The following TET2 variants were observed in gnomAD, a reference collection of about 807,000 sequenced individuals.
TET2 encodes the protein tet methylcytosine dioxygenase 2, also known as methylcytosine dioxygenase TET2.
A neutral mutation model predicts 142.9 loss-of-function variants in TET2; 299 were observed. The observed-to-expected ratio is 2.09, with a 90% confidence interval of 1.90 to 2.30. TET2 has a LOEUF of 2.30. Ranked by LOEUF, TET2 falls within the 30% of genes most tolerant of loss-of-function variation. The pLI, the probability that TET2 is intolerant of heterozygous loss-of-function variation, is 0.00. For missense variants in TET2, 2,418 were observed against 2,378.0 expected, an observed-to-expected ratio of 1.02 and a Z score of -0.35; for synonymous variants, 819 against 849.0, an observed-to-expected ratio of 0.96 and a Z score of 0.61.
At chr4:105,238,027 T>C in intron 3 of TET2, 2 of 651,628 alleles carry the variant, frequency 3.1e-6, no homozygotes, top group Non-Finnish European at 4.0e-6. Flanking sequence ...CACAATAAAA[T>C]GAATATTACA....
At chr4:105,214,859 A>G (rs753997666) in intron 2 of TET2, among the ~76,000 whole-genome samples, 2 of 152,128 alleles carry the variant, frequency 1.3e-5, no homozygotes, top group Non-Finnish European at 2.9e-5. Context: ...ACCAGCAAAT[A>G]TAAGTAAGTG....
chr4:105,234,243 C>G lies in TET2; in HGVS notation c.301C>G (p.Pro101Ala). 6.2e-7 allele frequency: 1 copy of G among 1,614,102 alleles called. No homozygotes were observed. Among genetic ancestry groups the G allele is most frequent in the Non-Finnish European group, 8.5e-7 (1 of 1,179,986 alleles). The change falls in exon 3 of 11, where the codon CCT becomes GCT. Residue 101 changes from proline (P) to alanine (A), a missense_variant. Physicochemically the swap from Pro to Ala is conservative, Grantham distance 27 (BLOSUM62 -1). Transcript: ENST00000380013. ...AGGAATAAAACGCACAGTTAGTGAA[C>G]CTTCTCTCTCTGGGCTCCTTCAGAT... ...NGGIKRTVSEPSLSGLLQIKK... is the reference protein window; with the variant it reads ...NGGIKRTVSEASLSGLLQIKK...
At chr4:105,268,549 T>C (rs1311844994) in intron 8 of TET2, among the ~76,000 whole-genome samples, 1 of 152,160 alleles carries the variant, frequency 6.6e-6, no homozygotes, top group Non-Finnish European at 1.5e-5. Flanking sequence ...CTGTAAAATA[T>C]ATATACTTGG....
At chr4:105,186,395 A>G (rs1291200311) in intron 1 of TET2, among the ~76,000 whole-genome samples, 1 of 150,252 alleles carries the variant, frequency 6.7e-6, no homozygotes, top group Non-Finnish European at 1.5e-5. Context: ...TTTATCTTCT[A>G]AGTGATTTTT....
At position 105,190,520 on chromosome 4, in the gene TET2, A is replaced by T. The variant is rs923900117; in HGVS notation, c.-47+15A>T. On this transcript the variant is annotated intron_variant, in intron 2 of 10. Coordinates refer to ENST00000380013, the MANE Select transcript of TET2 (RefSeq NM_001127208.3). ...CTGAGCTGCTGGTAAGACAGTGGAG[A>T]CAGTTGACACTTGTTTGTCAAGTAT... 4.3e-6 allele frequency: 3 copies of T among 699,716 alleles called. No individual in the cohort carries two copies. Among genetic ancestry groups the T allele is most frequent in the African/African-American group, 1.7e-5 (1 of 57,184 alleles). 43.3% of individuals were successfully genotyped at this position (699,716 alleles called of 1,614,324 possible).
chr4:105,263,933 AC>A (rs1730563464), intron 8 of TET2, among the ~76,000 whole-genome samples: 1 of 152,242 alleles, frequency 6.6e-6, no homozygotes, highest in Non-Finnish European at 1.5e-5. Flanking sequence ...AGCAGAGTAT[AC>A]AGGAGCAATA....
chr4:105,211,985 T>TATTC (rs1349008345), intron 2 of TET2, among the ~76,000 whole-genome samples: 1 of 152,198 alleles, frequency 6.6e-6, no homozygotes, highest in African/African-American at 2.4e-5. Context: ...GGCCACCTCA[T>TATTC]ATTCACCCTG....
intron 1 of TET2, among the ~76,000 whole-genome samples, chr4:105,179,091 GC>G (rs1202179342): frequency 6.6e-6 from 1 of 152,144 alleles, no homozygotes; most frequent in African/African-American, 2.4e-5. Context: ...GGGGGCAACT[GC>G]CCCCATGATC....
At chr4:105,229,884 A>T (rs1728407598) in intron 2 of TET2, among the ~76,000 whole-genome samples, 1 of 152,006 alleles carries the variant, frequency 6.6e-6, no homozygotes, top group Admixed American at 6.6e-5. Flanking sequence ...GAAAATATAG[A>T]GATACTAATT....
In TET2 at chr4:105,235,599, G is replaced by A. The variant is rs770857460; in HGVS notation, c.1657G>A (p.Val553Met). The A allele has an allele frequency of 1.2e-6, 2 of 1,614,156 alleles. No individual in the cohort carries two copies. The highest frequency in any genetic ancestry group is 8.5e-7 in the Non-Finnish European group (1 of 1,180,012). Reference protein sequence around the residue: ...GRDKEQTRDLVPPTQHYLKPG... With the variant: ...GRDKEQTRDLMPPTQHYLKPG... Reference sequence around the variant, plus strand: ...AGACAAGGAGCAAACACGAGATCTTGTGCCCCCAACACAGCACTATCTGAA... The same window carrying A: ...AGACAAGGAGCAAACACGAGATCTTATGCCCCCAACACAGCACTATCTGAA... Residue 553 changes from valine to methionine, a missense_variant, in exon 3 of 11, where the codon GTG (valine) becomes ATG (methionine). Transcript: ENST00000380013.
rs557302168 is a variant in TET2, at chr4:105,275,770, G to C, written c.5260G>C (p.Gly1754Arg). The C allele has an allele frequency of 1.0e-4, 162 of 1,551,566 alleles. No homozygotes were observed. The highest frequency in any genetic ancestry group is 1.4e-4 in the Non-Finnish European group (156 of 1,147,000). ...LSNPNMDYKN[G>R]EHHSPSHIIH... Reference sequence around the variant, plus strand: ...CAATCCAAACATGGACTATAAAAATGGTGAACATCATTCACCTTCTCACAT... The same window carrying C: ...CAATCCAAACATGGACTATAAAAATCGTGAACATCATTCACCTTCTCACAT... Residue 1754 changes from glycine (G) to arginine (R), a missense_variant, in exon 11 of 11, where the codon GGT (glycine) becomes CGT (arginine). By Grantham distance (125) the Gly-to-Arg change is moderately radical (BLOSUM62 -2). Transcript: ENST00000380013.
intron 1 of TET2, among the ~76,000 whole-genome samples, chr4:105,179,955 G>A (rs917754258): frequency 6.6e-6 from 1 of 152,148 alleles, no homozygotes; most frequent in African/African-American, 2.4e-5. Context: ...GTTTTTAATG[G>A]CTACTGAGCT....
chr4:105,271,598 C>T (rs1042533705), intron 9 of TET2, among the ~76,000 whole-genome samples: 3 of 152,178 alleles, frequency 2.0e-5, no homozygotes, highest in Admixed American at 2.0e-4. Flanking sequence ...GTGACAGGCT[C>T]ATTAATACCA....
At chr4:105,155,161 G>T (rs750753127) in intron 1 of TET2, among the ~76,000 whole-genome samples, 14 of 152,100 alleles carry the variant, frequency 9.2e-5, no homozygotes, top group Non-Finnish European at 1.9e-4. Context: ...GGCAATGCAG[G>T]GCAGAGAATA....
In TET2 at chr4:105,236,676, GC is replaced by G. The variant is rs747590707; in HGVS notation, c.2735del (p.Ala912GlyfsTer9). The G allele has an allele frequency of 1.2e-6, 2 of 1,614,086 alleles. No individual in the cohort carries two copies. The highest frequency in any genetic ancestry group is 1.1e-5 in the South Asian group (1 of 91,086). ...CCAAGATATGTCTGGTCAACAAGCT[GC>G]GCAACTTGCTCAGCAAAGGTACTTG... ...RNQDMSGQQAAQLAQQRYLIH... is the reference protein window; with the variant it reads ...RNQDMSGQQAXQLAQQRYLIH... On this transcript the variant is annotated frameshift_variant, in exon 3 of 11. Coordinates refer to ENST00000380013, the MANE Select transcript of TET2 (RefSeq NM_001127208.3). LOFTEE classifies it high-confidence loss of function.
chr4:105,234,691 A>G lies in TET2; in HGVS notation c.749A>G (p.Asn250Ser). Residue 250 changes from asparagine (N) to serine (S), a missense_variant, in exon 3 of 11, where the codon AAT becomes AGT. Physicochemically the swap from Asn to Ser is conservative, Grantham distance 46. Coordinates refer to ENST00000380013, the MANE Select transcript of TET2 (RefSeq NM_001127208.3). Reference sequence around the variant, plus strand: ...GTGCAGAAAACCACATCTCACATAAATGCCATTAACAGTCAGGCTACTAAT... The same window carrying G: ...GTGCAGAAAACCACATCTCACATAAGTGCCATTAACAGTCAGGCTACTAAT... Reference protein sequence around the residue: ...IAVQKTTSHINAINSQATNEL... With the variant: ...IAVQKTTSHISAINSQATNEL... The G allele has an allele frequency of 6.2e-7, 1 of 1,614,086 alleles. No homozygotes were observed. The highest frequency in any genetic ancestry group is 8.5e-7 in the Non-Finnish European group (1 of 1,180,014).
At chr4:105,202,793 T>C (rs1434751920) in intron 2 of TET2, among the ~76,000 whole-genome samples, 1 of 152,244 alleles carries the variant, frequency 6.6e-6, no homozygotes, top group Non-Finnish European at 1.5e-5. Context: ...ACTCTTTCCA[T>C]AGTTTTGTAA....
At chr4:105,163,881 G>GTA (rs1463383506) in intron 1 of TET2, among the ~76,000 whole-genome samples, 19 of 151,724 alleles carry the variant, frequency 1.3e-4, no homozygotes, top group Non-Finnish European at 1.2e-4. Flanking sequence ...GTGTGTGTGT[G>GTA]TGTGTGTTCC....
At chr4:105,246,443 C>G (rs961645673) in intron 6 of TET2, among the ~76,000 whole-genome samples, 1 of 152,196 alleles carries the variant, frequency 6.6e-6, no homozygotes, top group African/African-American at 2.4e-5. Flanking sequence ...TTTAAAAGCA[C>G]AGCTGTACAC....
Sources: gnomAD v4.1 joint callset for allele counts (sites outside exome capture counted in the v4.1 genomes callset) on GRCh38, gnomAD v4.1.1 for gene constraint, MANE v1.5 for transcripts, NCBI Gene and HGNC (gene_info 2026-07-23, HGNC 2026-07-21) for gene names.